The following SLC25A36 variants were observed in gnomAD, a reference collection of about 807,000 sequenced individuals.
The protein encoded by SLC25A36 is solute carrier family 25 member 36, also known as epididymis secretory sperm binding protein.
SLC25A36 carries 24 observed loss-of-function variants against 35.3 expected under a neutral mutation model. The ratio of observed to expected loss-of-function variants is 0.68; its 90% CI spans 0.49 to 0.96. The LOEUF (loss-of-function observed/expected upper bound fraction) is 0.96, where lower values mean the gene tolerates loss of function less well. SLC25A36 is among the 40% of genes least tolerant of loss of function. SLC25A36 has a pLI of 0.00. For missense variants in SLC25A36, 294 were observed against 381.1 expected (o/e 0.77, Z 1.90); for synonymous variants, 141 against 132.2 (o/e 1.07, Z -0.46).
At chr3:140,945,220 A>G (rs1046895284) in intron 1 of SLC25A36, among the ~76,000 whole-genome samples, 3 of 152,192 alleles carry the variant, frequency 2.0e-5, no homozygotes, top group African/African-American at 7.2e-5. Context: ...TTATAAAGGT[A>G]CTAATCCCAA....
At position 140,953,567 on chromosome 3, in the gene SLC25A36, A is replaced by G. The variant is rs373408924; in HGVS notation, c.42-2960A>G. 2.6e-4 allele frequency among the ~76,000 whole-genome samples: 40 copies of G among 152,336 alleles called. No homozygotes were observed. In the South Asian group the frequency reaches 3.9e-3, roughly 15 times the overall value. ...ACATATTTTTCAAATCAGATTTGTC[A>G]AGGTATCGTTTACATACAGTAAAAT... is the stretch of plus-strand genomic sequence containing the variant. On this transcript the variant is annotated intron_variant, in intron 1 of 6. Transcript: ENST00000324194.
chr3:140,969,821 T>TG (rs1934855883), intron 4 of SLC25A36, among the ~76,000 whole-genome samples: 1 of 151,966 alleles, frequency 6.6e-6, no homozygotes, highest in African/African-American at 2.4e-5. Context: ...TTTACTCATC[T>TG]TAAATGTACT....
intron 4 of SLC25A36, chr3:140,966,390 A>G: frequency 3.2e-6 from 1 of 313,492 alleles, no homozygotes; most frequent in Admixed American, 3.4e-5. Flanking sequence ...ATATTTCATA[A>G]GTATGGATGT....
chr3:140,956,838 A>AT, intron 2 of SLC25A36, 147 bp downstream of exon 2: 1 of 1,263,666 alleles, frequency 7.9e-7, no homozygotes, highest in African/African-American at 1.5e-5. Context: ...ATAAGGAATG[A>AT]TAATCCCTAA....
intron 5 of SLC25A36, 107 bp downstream of exon 5, chr3:140,971,100 A>C (rs1280572298): frequency 3.4e-6 from 2 of 584,598 alleles, no homozygotes; most frequent in East Asian, 5.9e-5. Context: ...GTTGTAGTTT[A>C]ATTTTGAAAC....
chr3:140,963,052 T>C, intron 3 of SLC25A36, 75 bp from the exon 4 acceptor site: 2 of 904,744 alleles, frequency 2.2e-6, no homozygotes, highest in Non-Finnish European at 3.2e-6. Flanking sequence ...CATTCTAAAA[T>C]TATGAAGATC....
intron 1 of SLC25A36, among the ~76,000 whole-genome samples, chr3:140,950,469 C>T (rs1934289796): frequency 6.6e-6 from 1 of 151,900 alleles, no homozygotes; most frequent in African/African-American, 2.4e-5. Context: ...CATCTTGGGA[C>T]TTCTGTCTTG....
chr3:140,960,218 G>T (rs535328876), intron 3 of SLC25A36, among the ~76,000 whole-genome samples: 16 of 152,236 alleles, frequency 1.1e-4, no homozygotes, highest in African/African-American at 3.9e-4. Context: ...AATCTACACA[G>T]GGCTAAGGCT....
At chr3:140,964,822 T>C (rs1278953410) in intron 4 of SLC25A36, 1 of 151,912 alleles carries the variant, frequency 6.6e-6, no homozygotes, top group Admixed American at 6.6e-5. Context: ...TATCTTTATT[T>C]CCACTGGAAC....
At chr3:140,961,085 C>T (rs1438336328) in intron 3 of SLC25A36, among the ~76,000 whole-genome samples, 1 of 152,148 alleles carries the variant, frequency 6.6e-6, no homozygotes, top group African/African-American at 2.4e-5. Context: ...AAACCATGTA[C>T]CAGATCCATG....
intron 6 of SLC25A36, among the ~76,000 whole-genome samples, chr3:140,975,756 C>T (rs1223940257): frequency 6.6e-6 from 1 of 152,172 alleles, no homozygotes. Context: ...TTATAGCTGG[C>T]AGCTAGTGTT....
chr3:140,959,720 TA>T (rs1198391120), intron 3 of SLC25A36, among the ~76,000 whole-genome samples, 180 bp downstream of exon 3: 1 of 152,208 alleles, frequency 6.6e-6, no homozygotes, highest in African/African-American at 2.4e-5. Context: ...AACAAATTTA[TA>T]TAATAAAGTA....
chr3:140,980,710 A>AAT lies in SLC25A36; in HGVS notation c.*4265_*4266dup, dbSNP rs3830548. On this transcript the variant is annotated 3_prime_UTR_variant, in exon 7 of 7. Coordinates refer to ENST00000324194, the MANE Select transcript of SLC25A36 (RefSeq NM_001104647.3). ...GTTCCCCCTGCCCCCCCCCCCTTTT[A>AAT]ATATATATACACGGAGCTTCACTCT... 0.76 allele frequency among the ~76,000 whole-genome samples: 91,230 copies of AAT among 120,056 alleles called. 37,032 individuals carry two copies. The highest frequency in any genetic ancestry group is 0.95 in the South Asian group (3,261 of 3,450). 78.8% of individuals were successfully genotyped at this position (120,056 alleles called of 152,430 possible).
chr3:140,956,422 A>G, intron 1 of SLC25A36, 105 bp from the exon 2 acceptor site: 2 of 1,260,772 alleles, frequency 1.6e-6, no homozygotes, highest in African/African-American at 3.1e-5. Flanking sequence ...AAATTTTAGT[A>G]TGTTGGCAAA....
intron 1 of SLC25A36, among the ~76,000 whole-genome samples, chr3:140,949,244 A>G (rs982363240): frequency 1.3e-5 from 2 of 152,214 alleles, no homozygotes. Flanking sequence ...TGCACTAAGT[A>G]GAAGCAACAT....
rs1271046335 is a variant in SLC25A36, at chr3:140,956,558, T to G, written c.73T>G (p.Cys25Gly). The G allele has an allele frequency of 6.2e-7, 1 of 1,611,730 alleles. No homozygotes were observed. The highest frequency in any genetic ancestry group is 1.7e-5 in the Admixed American group (1 of 59,878). Residue 25 changes from cysteine to glycine, a missense_variant, in exon 2 of 7, where the codon TGT (cysteine) becomes GGT (glycine). Cys to Gly is a radical substitution (Grantham distance 159, BLOSUM62 -3). This residue lies in a region of SLC25A36 where 185 missense variants were observed against 201.5 expected (regional missense o/e 0.92). Coordinates refer to ENST00000324194, the MANE Select transcript of SLC25A36 (RefSeq NM_001104647.3). ...CGGTVGAILT[C>G]PLEVVKTRLQ... ...TGGTACAGTGGGAGCTATTCTGACA[T>G]GTCCACTGGAAGTTGTAAAAACACG...
chr3:140,942,965 A>AT (rs1559808232), intron 1 of SLC25A36, among the ~76,000 whole-genome samples: 1 of 152,116 alleles, frequency 6.6e-6, no homozygotes, highest in African/African-American at 2.4e-5. Context: ...GAGAGGTCAG[A>AT]TTTTTTGAAG....
chr3:140,967,129 T>A, intron 4 of SLC25A36: 1 of 447,740 alleles, frequency 2.2e-6, no homozygotes, highest in Non-Finnish European at 4.5e-6. Context: ...GGCGGGAAAT[T>A]AACTTTTATT....
chr3:140,942,093 A>G lies in SLC25A36; in HGVS notation c.39A>G (p.Gly13=). 1.4e-6 allele frequency: 2 copies of G among 1,409,840 alleles called. No homozygotes were observed. The highest frequency in any genetic ancestry group is 9.5e-7 in the Non-Finnish European group (1 of 1,053,180). 87.3% of individuals were successfully genotyped at this position (1,409,840 alleles called of 1,614,324 possible). The change falls in exon 1 of 7, where the codon GGA becomes GGG. Residue 13 remains glycine, a splice_region_variant and synonymous_variant. Coordinates refer to ENST00000324194, the MANE Select transcript of SLC25A36 (RefSeq NM_001104647.3). The stretch of plus-strand genomic sequence containing the variant: ...ACACGCTGGTGCATCTGTTTGCCGG[A>G]GGGTAAGGTCCTGGCGGGGCGTGCG... The part of the protein sequence containing the change: ...QRDTLVHLFA[G]GCGGTVGAIL...
Sources: gnomAD v4.1 joint callset for allele counts (sites outside exome capture counted in the v4.1 genomes callset) on GRCh38, gnomAD v4.1.1 for gene constraint, gnomAD v4.1.1 regional missense constraint, MANE v1.5 for transcripts, NCBI Gene and HGNC (gene_info 2026-07-23, HGNC 2026-07-21) for gene names.